The following AFF3 variants were observed in gnomAD, a reference collection of about 807,000 sequenced individuals.
AFF3 encodes AF4/FMR2 family member 3.
A neutral mutation model predicts 129.7 loss-of-function variants in AFF3; 32 were observed. The ratio of observed to expected loss-of-function variants is 0.25; its 90% confidence interval spans 0.19 to 0.33. The LOEUF is 0.33. Among genes scored for constraint, AFF3 ranks in the 10% least tolerant of loss-of-function variants. AFF3 has a pLI of 1.00. For missense variants in AFF3, 1,373 were observed against 1,592.0 expected (o/e 0.86, Z 2.34); for synonymous variants, 644 against 635.4 (o/e 1.01, Z -0.20).
At chr2:99,947,174 C>T (rs1368700498) in intron 7 of AFF3, among the ~76,000 whole-genome samples, 1 of 152,162 alleles carries the variant, frequency 6.6e-6, no homozygotes, top group African/African-American at 2.4e-5. Context: ...GGTGCAGTGG[C>T]TCATGCCTGT....
intron 7 of AFF3, among the ~76,000 whole-genome samples, chr2:100,003,080 G>A (rs1215504193): frequency 7.1e-6 from 1 of 141,268 alleles, no homozygotes; most frequent in Non-Finnish European, 1.5e-5. Context: ...TAAGCTTCAG[G>A]GTCTCTAAGG....
chr2:99,975,031 T>C (rs1678739373), intron 7 of AFF3, among the ~76,000 whole-genome samples: 1 of 152,204 alleles, frequency 6.6e-6, no homozygotes, highest in African/African-American at 2.4e-5. Flanking sequence ...ATTAAGATTT[T>C]CCACTTGAAA....
intron 4 of AFF3, among the ~76,000 whole-genome samples, chr2:100,033,406 A>T (rs186025949): frequency 8.5e-5 from 13 of 152,380 alleles, no homozygotes; most frequent in African/African-American, 1.9e-4. Context: ...ACACTCATAA[A>T]CACAAATGTG....
At chr2:99,751,375 G>A (rs1236200583) in intron 9 of AFF3, among the ~76,000 whole-genome samples, 1 of 152,226 alleles carries the variant, frequency 6.6e-6, no homozygotes, top group Non-Finnish European at 1.5e-5. Flanking sequence ...TTACAGGAAT[G>A]AGTCATCATG....
chr2:99,986,953 T>C (rs1187560814), intron 7 of AFF3, among the ~76,000 whole-genome samples: 1 of 152,162 alleles, frequency 6.6e-6, no homozygotes, highest in African/African-American at 2.4e-5. Context: ...TGATAAAACA[T>C]GCAGGGTGCT....
At chr2:99,608,288 T>C (rs1185702341) in intron 13 of AFF3, among the ~76,000 whole-genome samples, 4 of 152,194 alleles carry the variant, frequency 2.6e-5, no homozygotes. Context: ...TGAGTGGCTA[T>C]GTTTCCCTAC....
At chr2:99,860,567 C>CAAAAAAT (rs1486722673) in intron 7 of AFF3, among the ~76,000 whole-genome samples, 1 of 150,136 alleles carries the variant, frequency 6.7e-6, no homozygotes, top group Admixed American at 6.6e-5. Context: ...AAACAAAAAA[C>CAAAAAAT]AAACAAAAAA....
chr2:100,127,761 C>A (rs1018625549), intron 2 of AFF3, among the ~76,000 whole-genome samples: 1 of 152,144 alleles, frequency 6.6e-6, no homozygotes, highest in Non-Finnish European at 1.5e-5. Flanking sequence ...AGATCTTCAA[C>A]CCTGTCTGGC....
At chr2:99,876,555 T>G (rs1224398414) in intron 7 of AFF3, among the ~76,000 whole-genome samples, 1 of 152,122 alleles carries the variant, frequency 6.6e-6, no homozygotes, top group Non-Finnish European at 1.5e-5. Context: ...TGTCCCACTT[T>G]CCATTCTCGC....
intron 4 of AFF3, among the ~76,000 whole-genome samples, chr2:100,051,597 A>T (rs1277531959): frequency 6.6e-6 from 1 of 152,200 alleles, no homozygotes; most frequent in East Asian, 1.9e-4. Context: ...GTTAAGATGA[A>T]AAAAACCAGC....
chr2:99,909,737 A>G (rs1243756857), intron 7 of AFF3, among the ~76,000 whole-genome samples: 1 of 152,184 alleles, frequency 6.6e-6, no homozygotes, highest in African/African-American at 2.4e-5. Context: ...TTGCAAAGAA[A>G]GGAGATTCAT....
chr2:99,637,510 G>C (rs1050051006), intron 13 of AFF3, among the ~76,000 whole-genome samples: 1 of 152,112 alleles, frequency 6.6e-6, no homozygotes, highest in East Asian at 1.9e-4. Context: ...AATGAGAATG[G>C]GGACGACATA....
intron 4 of AFF3, among the ~76,000 whole-genome samples, chr2:100,070,241 TA>T (rs1688065584): frequency 6.6e-6 from 1 of 152,118 alleles, no homozygotes; most frequent in Non-Finnish European, 1.5e-5. Context: ...CGTGGTTGCG[TA>T]AGCACATCTA....
intron 8 of AFF3, among the ~76,000 whole-genome samples, chr2:99,785,971 A>T (rs753869292): frequency 3.9e-5 from 6 of 152,080 alleles, no homozygotes; most frequent in Non-Finnish European, 8.8e-5. Context: ...CTGGTCTCGA[A>T]CTCTTGACCT....
chr2:99,953,296 C>T (rs1285564693), intron 7 of AFF3, among the ~76,000 whole-genome samples: 2 of 152,078 alleles, frequency 1.3e-5, no homozygotes, highest in Non-Finnish European at 2.9e-5. Flanking sequence ...TTAGACTTTC[C>T]TCCACTGGAA....
intron 7 of AFF3, among the ~76,000 whole-genome samples, chr2:99,992,336 T>C (rs1680432658): frequency 6.6e-6 from 1 of 152,212 alleles, no homozygotes; most frequent in South Asian, 2.1e-4. Context: ...TATGAAACTT[T>C]ATCAGAAAAA....
chr2:100,130,652 C>T lies in AFF3; in HGVS notation c.-227-1346G>A, dbSNP rs550717052. Among the ~76,000 whole-genome samples the T allele has an allele frequency of 8.5e-4, 129 of 152,286 alleles. 3 individuals carry two copies. The South Asian group carries it at 0.026, about 31-fold the overall frequency. ...TCAAATACTGATTTCCAGGAAGCTT[C>T]GGAGTATGGAGTTTCCTGTAGTTCT... On this transcript the variant is annotated intron_variant, in intron 1 of 24. Transcript: ENST00000672756.
At position 99,601,435 on chromosome 2, in the gene AFF3, C is replaced by T. The variant is rs758543794; in HGVS notation, c.1371G>A (p.Glu457=). ...GSKPPHFSSP[E]AEPASSNKWQ... is the part of the protein sequence containing the mutation. ...GAGGCCTGAGCCAGGCAGCGCTTACCTCGGGGCTGGAGAAGTGGGGGGGCT... is the reference window on the plus strand; with the variant it reads ...GAGGCCTGAGCCAGGCAGCGCTTACTTCGGGGCTGGAGAAGTGGGGGGGCT... Residue 457 remains glutamate, a splice_region_variant and synonymous_variant, in exon 14 of 25, where the codon GAG becomes GAA. Transcript: ENST00000672756. The T allele has an allele frequency of 6.2e-7, 1 of 1,602,854 alleles. No individual in the cohort carries two copies. Among genetic ancestry groups the T allele is most frequent in the Non-Finnish European group, 8.5e-7 (1 of 1,173,634 alleles).
At chr2:99,967,088 G>C (rs1311225630) in intron 7 of AFF3, among the ~76,000 whole-genome samples, 6 of 152,170 alleles carry the variant, frequency 3.9e-5, no homozygotes, top group African/African-American at 1.4e-4. Flanking sequence ...CTTCCATACT[G>C]CAATTCTGCC....
Sources: allele counts gnomAD v4.1 joint callset (sites outside exome capture counted in the v4.1 genomes callset), GRCh38; gene constraint gnomAD v4.1.1; transcripts MANE v1.5; gene names NCBI Gene and HGNC (gene_info 2026-07-23, HGNC 2026-07-21).